COL6A6: variants seen among roughly 807,000 people sequenced by gnomAD.
COL6A6 encodes collagen alpha-6(VI) chain.
COL6A6 carries 183 observed loss-of-function variants against 208.6 expected under a neutral mutation model. The ratio of observed to expected loss-of-function variants is 0.88; its 90% CI spans 0.78 to 0.99. COL6A6 has a LOEUF of 0.99. COL6A6 is among the 50% of genes least tolerant of loss of function. The probability of loss-of-function intolerance (pLI) is 0.00; values close to 1 mark genes in which losing one functional copy is unlikely to be tolerated. For missense variants in COL6A6, 2,816 were observed against 2,815.2 expected (o/e 1.00, Z -0.01); for synonymous variants, 973 against 1,011.8 (o/e 0.96, Z 0.73).
intron 28 of COL6A6, among the ~76,000 whole-genome samples, chr3:130,639,917 G>C (rs1411067567): frequency 6.6e-6 from 1 of 152,036 alleles, no homozygotes; most frequent in Non-Finnish European, 1.5e-5. Context: ...CTTTCTAGGA[G>C]CCATATAGAA....
In COL6A6 at chr3:130,593,097, G is replaced by T. The variant is rs568030356; in HGVS notation, c.4408G>T (p.Gly1470Ter). The change falls in exon 16 of 37, where the codon GGA (glycine) becomes TGA (stop). Residue 1470 changes from glycine (G) to a stop codon, truncating the protein, a stop_gained. Coordinates refer to ENST00000358511, the MANE Select transcript of COL6A6 (RefSeq NM_001102608.3). LOFTEE classifies it high-confidence loss of function. The part of the protein sequence containing the change: ...VGENGIDGLN[G>*]EQGDNGLPGR... ...GGAAAATGGAATTGACGGATTAAAC[G>T]GAGAACAGGTAGAGCCTTCTTGTAC... 9 of 1,613,470 alleles carry T rather than the reference G, an allele frequency of 5.6e-6. No individual in the cohort carries two copies. Among genetic ancestry groups the T allele is most frequent in the Non-Finnish European group, 6.8e-6 (8 of 1,179,570 alleles).
At chr3:130,529,696 A>G (rs1280073834) in intron 1 of COL6A6, among the ~76,000 whole-genome samples, 3 of 152,192 alleles carry the variant, frequency 2.0e-5, no homozygotes, top group African/African-American at 7.2e-5. Context: ...GTCCACACCC[A>G]GAGAAGGGGC....
At chr3:130,549,696 G>A (rs922122845) in intron 1 of COL6A6, among the ~76,000 whole-genome samples, 41 of 152,078 alleles carry the variant, frequency 2.7e-4, no homozygotes, top group Admixed American at 2.3e-3. Context: ...AGATCAGATG[G>A]TTGTAGGTGT....
At chr3:130,612,297 TAATG>T (rs2064383588) in intron 23 of COL6A6, among the ~76,000 whole-genome samples, 1 of 152,124 alleles carries the variant, frequency 6.6e-6, no homozygotes, top group Admixed American at 6.5e-5. Flanking sequence ...GGGTAAATAA[TAATG>T]GGATTGCTGG....
chr3:130,673,191 C>G (rs1175197253), intron 36 of COL6A6, among the ~76,000 whole-genome samples: 1 of 62,394 alleles, frequency 1.6e-5, no homozygotes, highest in Non-Finnish European at 2.9e-5. Context: ...AAAAAAAAAA[C>G]AAAAAAACAA....
In COL6A6 at chr3:130,581,837, T is replaced by G; in HGVS notation, c.3824T>G (p.Leu1275Arg). Residue 1275 changes from leucine (L) to arginine (R), a missense_variant, in exon 9 of 37, where the codon CTT (leucine) becomes CGT (arginine). Coordinates refer to ENST00000358511, the MANE Select transcript of COL6A6 (RefSeq NM_001102608.3). Reference protein sequence around the residue: ...LKDITVKGPSLLNANLLDSLW... With the variant: ...LKDITVKGPSRLNANLLDSLW... ...GATATAACAGTTAAAGGACCATCTC[T>G]TCTCAATGCAAACCTCTTGGATTCT... 1 of 1,613,392 alleles carries G rather than the reference T, an allele frequency of 6.2e-7. No homozygotes were observed. Among genetic ancestry groups the G allele is most frequent in the East Asian group, 2.2e-5 (1 of 44,892 alleles).
chr3:130,577,278 C>T (rs1422139779), intron 8 of COL6A6, among the ~76,000 whole-genome samples: 2 of 152,150 alleles, frequency 1.3e-5, no homozygotes, highest in African/African-American at 2.4e-5. Context: ...AGACTAAGCA[C>T]ATTTTGAAAC....
chr3:130,641,852 G>A (rs1415360328), intron 29 of COL6A6, 138 bp downstream of exon 29: 2 of 505,830 alleles, frequency 4.0e-6, no homozygotes, highest in Admixed American at 3.5e-5. Context: ...CTTTATGGGG[G>A]AGAAAATACT....
intron 1 of COL6A6, among the ~76,000 whole-genome samples, chr3:130,536,491 A>G (rs1577631794): frequency 1.3e-5 from 2 of 152,376 alleles, no homozygotes; most frequent in South Asian, 4.1e-4. Context: ...GCTGACGAAG[A>G]CAAGTCCTCT....
At chr3:130,655,378 C>T (rs1270375684) in intron 33 of COL6A6, among the ~76,000 whole-genome samples, 1 of 152,194 alleles carries the variant, frequency 6.6e-6, no homozygotes, top group Non-Finnish European at 1.5e-5. Context: ...GGACCCAGTC[C>T]AGCTTCTGCC....
At chr3:130,530,930 CG>C (rs1169118806) in intron 1 of COL6A6, among the ~76,000 whole-genome samples, 2 of 151,926 alleles carry the variant, frequency 1.3e-5, no homozygotes, top group African/African-American at 2.4e-5. Flanking sequence ...TGGCCTACTC[CG>C]CAAATTTGGG....
intron 1 of COL6A6, among the ~76,000 whole-genome samples, chr3:130,518,695 G>A (rs1263599023): frequency 6.6e-6 from 1 of 152,122 alleles, no homozygotes; most frequent in Non-Finnish European, 1.5e-5. Context: ...TAGTAGAGAC[G>A]GGGTTTCTCC....
At chr3:130,550,336 C>T (rs558298282) in intron 1 of COL6A6, among the ~76,000 whole-genome samples, 125 of 152,206 alleles carry the variant, frequency 8.2e-4, no homozygotes, top group African/African-American at 2.7e-3. Flanking sequence ...ACTTCCAGTA[C>T]CATGTTGAAT....
intron 1 of COL6A6, among the ~76,000 whole-genome samples, chr3:130,540,281 A>G (rs1471840171): frequency 6.6e-6 from 1 of 152,206 alleles, no homozygotes; most frequent in African/African-American, 2.4e-5. Context: ...CTCCCTGATT[A>G]TCAATATCCT....
At chr3:130,529,287 TAAAAA>T (rs563804664) in intron 1 of COL6A6, among the ~76,000 whole-genome samples, 10 of 98,542 alleles carry the variant, frequency 1.0e-4, no homozygotes, top group Middle Eastern at 5.4e-3. Flanking sequence ...GCAGGAAATG[TAAAAA>T]AAAAAAAAAA....
intron 8 of COL6A6, among the ~76,000 whole-genome samples, chr3:130,578,685 A>G (rs1337446695): frequency 6.6e-6 from 1 of 152,162 alleles, no homozygotes; most frequent in Non-Finnish European, 1.5e-5. Flanking sequence ...TCCCTACACT[A>G]CTGGGTTGCG....
intron 1 of COL6A6, among the ~76,000 whole-genome samples, chr3:130,549,855 CTATT>C (rs1413314280): frequency 6.6e-6 from 1 of 152,140 alleles, no homozygotes; most frequent in East Asian, 1.9e-4. Context: ...ATTGCCTTGG[CTATT>C]TAGGCTCTTT....
Position 130,662,071 on chromosome 3 carries a change from T to C in COL6A6, c.6265T>C (p.Ser2089Pro). Residue 2089 changes from serine (S) to proline (P), a missense_variant, in exon 35 of 37, where the codon TCT (serine) becomes CCT (proline). Transcript: ENST00000358511. ...AAGAAACAAAGTCATATTTGTGATA[T>C]CTGCTGGGGAAACCAGCCACTTAGA... ...LRRNKVIFVI[S>P]AGETSHLDGE... The C allele has an allele frequency of 1.2e-6, 2 of 1,614,038 alleles. No homozygotes were observed. Among genetic ancestry groups the C allele is most frequent in the Non-Finnish European group, 1.7e-6 (2 of 1,179,892 alleles).
chr3:130,655,191 T>G (rs2065755128), intron 33 of COL6A6, among the ~76,000 whole-genome samples: 1 of 152,188 alleles, frequency 6.6e-6, no homozygotes, highest in South Asian at 2.1e-4. Context: ...CCCTCCAAAG[T>G]GCCTCATAGA....
Sources: gnomAD v4.1 joint callset for allele counts (sites outside exome capture counted in the v4.1 genomes callset) on GRCh38, gnomAD v4.1.1 for gene constraint, MANE v1.5 for transcripts, NCBI Gene and HGNC (gene_info 2026-07-23, HGNC 2026-07-21) for gene names.